The following DMRT1 variants were observed in gnomAD, a reference collection of about 807,000 sequenced individuals.
The protein encoded by DMRT1 is doublesex- and mab-3-related transcription factor 1.
In DMRT1, 7 loss-of-function variants were observed where a neutral mutation model predicts 32.3. The observed-to-expected ratio is 0.22, with a 90% CI of 0.12 to 0.41. The LOEUF (loss-of-function observed/expected upper bound fraction) is 0.41, where lower values mean the gene tolerates loss of function less well. Ranked by LOEUF, DMRT1 falls within the 10% of genes least tolerant of loss-of-function variation. The pLI is 1.00. For missense variants in DMRT1, 625 were observed against 500.5 expected (o/e 1.25, Z -2.37); for synonymous variants, 278 against 206.1 (o/e 1.35, Z -2.99).
intron 2 of DMRT1, among the ~76,000 whole-genome samples, chr9:871,338 C>CTT (rs1370831436): frequency 3.6e-5 from 5 of 137,366 alleles, no homozygotes; most frequent in African/African-American, 1.3e-4. Flanking sequence ...TCTTTGAACT[C>CTT]TTTTTTTTTT....
At chr9:843,572 G>C (rs191786820) in intron 1 of DMRT1, among the ~76,000 whole-genome samples, 85 of 152,318 alleles carry the variant, frequency 5.6e-4, no homozygotes, top group African/African-American at 1.9e-3. Context: ...AAGTAGGCTG[G>C]TAATTTAACA....
chr9:946,943 G>A (rs1819265576), intron 4 of DMRT1, among the ~76,000 whole-genome samples: 1 of 152,192 alleles, frequency 6.6e-6, no homozygotes, highest in Non-Finnish European at 1.5e-5. Context: ...TGCCCATCAA[G>A]ATACCAAAGA....
chr9:862,599 G>T (rs543474923), intron 2 of DMRT1, among the ~76,000 whole-genome samples: 1 of 152,148 alleles, frequency 6.6e-6, no homozygotes, highest in Non-Finnish European at 1.5e-5. Flanking sequence ...GAAGGGAACT[G>T]GGTGAGAGAT....
chr9:878,342 T>C (rs1430016160), intron 2 of DMRT1, among the ~76,000 whole-genome samples: 1 of 152,076 alleles, frequency 6.6e-6, no homozygotes, highest in Non-Finnish European at 1.5e-5. Flanking sequence ...TGGTGCACTC[T>C]ACTCCACTGG....
At chr9:846,408 C>G (rs947328207) in intron 1 of DMRT1, among the ~76,000 whole-genome samples, 1 of 151,998 alleles carries the variant, frequency 6.6e-6, no homozygotes, top group Non-Finnish European at 1.5e-5. Flanking sequence ...GTACAGTGGC[C>G]TTTTACAAGT....
chr9:883,000 G>A (rs1181875802), intron 2 of DMRT1, among the ~76,000 whole-genome samples: 1 of 151,664 alleles, frequency 6.6e-6, no homozygotes, highest in Non-Finnish European at 1.5e-5. Context: ...TCGAACTCCT[G>A]GCCTCCAGTG....
chr9:922,659 A>G (rs934516939), intron 4 of DMRT1, among the ~76,000 whole-genome samples: 1 of 152,028 alleles, frequency 6.6e-6, no homozygotes, highest in African/African-American at 2.4e-5. Context: ...TTATTTTGTG[A>G]TCTCGGTTTA....
At chr9:924,167 G>C (rs1157417498) in intron 4 of DMRT1, among the ~76,000 whole-genome samples, 2 of 150,676 alleles carry the variant, frequency 1.3e-5, no homozygotes, top group Non-Finnish European at 2.9e-5. Context: ...TGCCTCCCAG[G>C]TTCAAGCAAT....
At chr9:964,603 T>C (rs899172942) in intron 4 of DMRT1, among the ~76,000 whole-genome samples, 10 of 152,200 alleles carry the variant, frequency 6.6e-5, no homozygotes, top group African/African-American at 2.4e-4. Flanking sequence ...TAGGGTAGTA[T>C]AATCCTTAAT....
intron 4 of DMRT1, among the ~76,000 whole-genome samples, chr9:923,087 G>A (rs1818407490): frequency 6.6e-6 from 1 of 152,182 alleles, no homozygotes; most frequent in African/African-American, 2.4e-5. Context: ...TCTCCTTCAG[G>A]ATGACCAGGA....
At chr9:956,227 C>T (rs1025605689) in intron 4 of DMRT1, among the ~76,000 whole-genome samples, 1 of 152,090 alleles carries the variant, frequency 6.6e-6, no homozygotes, top group Non-Finnish European at 1.5e-5. Flanking sequence ...TAGTCAAAAT[C>T]ATAGAGCCAG....
chr9:864,506 T>C (rs1424835514), intron 2 of DMRT1, among the ~76,000 whole-genome samples: 2 of 146,162 alleles, frequency 1.4e-5, no homozygotes, highest in African/African-American at 5.1e-5. Context: ...ACTCTTTTTT[T>C]TTTTTTTTTT....
At chr9:869,500 C>T (rs1003408098) in intron 2 of DMRT1, among the ~76,000 whole-genome samples, 2 of 152,166 alleles carry the variant, frequency 1.3e-5, no homozygotes, top group Admixed American at 6.5e-5. Context: ...TAGTTGTTGT[C>T]TCTAGTGAAT....
chr9:886,213 G>A (rs1300948863), intron 2 of DMRT1, among the ~76,000 whole-genome samples: 1 of 152,134 alleles, frequency 6.6e-6, no homozygotes, highest in African/African-American at 2.4e-5. Flanking sequence ...ATAAACATTG[G>A]TGCATTCAGC....
chr9:862,685 A>G (rs982827337), intron 2 of DMRT1, among the ~76,000 whole-genome samples: 4 of 152,140 alleles, frequency 2.6e-5, no homozygotes, highest in African/African-American at 9.7e-5. Flanking sequence ...AGAGATGGAA[A>G]GAAAGGCTGG....
At chr9:942,895 G>A (rs773650103) in intron 4 of DMRT1, among the ~76,000 whole-genome samples, 34 of 151,738 alleles carry the variant, frequency 2.2e-4, no homozygotes, top group Admixed American at 3.9e-4. Flanking sequence ...TAAGCCATCT[G>A]TCGCAAAGAA....
intron 3 of DMRT1, among the ~76,000 whole-genome samples, chr9:902,690 T>C (rs1817635312): frequency 6.6e-6 from 1 of 151,840 alleles, no homozygotes. Context: ...GGTTTCGCCA[T>C]GTTGGCCAGG....
intron 2 of DMRT1, among the ~76,000 whole-genome samples, chr9:865,888 G>A (rs894688416): frequency 2.0e-5 from 3 of 152,110 alleles, no homozygotes; most frequent in Admixed American, 6.5e-5. Flanking sequence ...TGAGGGCAGC[G>A]CACGGTGGCT....
At position 868,845 on chromosome 9, in the gene DMRT1, A is replaced by G. The variant is rs577443869; in HGVS notation, c.538+21702A>G. Among the ~76,000 whole-genome samples, 7 of 152,160 alleles carry G rather than the reference A, an allele frequency of 4.6e-5. No individual in the cohort carries two copies. In the South Asian group the frequency reaches 6.2e-4, roughly 14 times the overall value. Reference sequence around the variant, plus strand: ...GGCAACATGGTGAAGCCCCATTCCTACAAAAAATAAAAAAATTAGCTGGGT... The same window carrying G: ...GGCAACATGGTGAAGCCCCATTCCTGCAAAAAATAAAAAAATTAGCTGGGT... On this transcript the variant is annotated intron_variant, in intron 2 of 4. Coordinates refer to ENST00000382276, the MANE Select transcript of DMRT1 (RefSeq NM_021951.3).
Sources: gnomAD v4.1 joint callset for allele counts (sites outside exome capture counted in the v4.1 genomes callset) on GRCh38, gnomAD v4.1.1 for gene constraint, MANE v1.5 for transcripts, NCBI Gene and HGNC (gene_info 2026-07-23, HGNC 2026-07-21) for gene names.